RBFOX1: variants seen among roughly 807,000 people sequenced by gnomAD.
RBFOX1 encodes the protein RNA binding fox-1 homolog 1, also known as RNA binding protein fox-1 homolog 1.
Under a neutral mutation model 57.7 loss-of-function variants are expected in RBFOX1, and 8 were observed. The ratio of observed to expected loss-of-function variants is 0.14; its 90% CI spans 0.08 to 0.25. The LOEUF is 0.25. RBFOX1 is among the 10% of genes least tolerant of loss of function. The pLI is 1.00. For synonymous variants in RBFOX1, 326 were observed against 222.4 expected (o/e 1.47, Z -4.15); for missense variants, 611 against 548.5 (o/e 1.11, Z -1.14).
intron 1 of RBFOX1, among the ~76,000 whole-genome samples, chr16:5,428,772 C>G (rs1164229216): frequency 2.0e-5 from 3 of 152,156 alleles, no homozygotes; most frequent in African/African-American, 4.8e-5. Flanking sequence ...TTGAGTATAA[C>G]TTGCTATGTA....
chr16:5,499,202 T>A (rs549853771), intron 2 of RBFOX1, among the ~76,000 whole-genome samples: 23 of 152,368 alleles, frequency 1.5e-4, no homozygotes, highest in African/African-American at 5.3e-4. Context: ...AATCTCTCAG[T>A]GCTTGGGTCC....
At chr16:6,402,247 C>G (rs1461022869) in intron 2 of RBFOX1, among the ~76,000 whole-genome samples, 1 of 152,088 alleles carries the variant, frequency 6.6e-6, no homozygotes, top group East Asian at 1.9e-4. Context: ...ACATTCATCC[C>G]CACCCACTGG....
chr16:6,915,631 A>G (rs1237883239), intron 3 of RBFOX1, among the ~76,000 whole-genome samples: 1 of 146,804 alleles, frequency 6.8e-6, no homozygotes, highest in Non-Finnish European at 1.5e-5. Flanking sequence ...GGTCACTGCA[A>G]CCTCTGCCTC....
At chr16:6,472,987 G>A (rs2095213567) in intron 2 of RBFOX1, among the ~76,000 whole-genome samples, 2 of 152,038 alleles carry the variant, frequency 1.3e-5, no homozygotes, top group South Asian at 4.2e-4. Flanking sequence ...GATCATATAG[G>A]GATATCTCCA....
At chr16:6,449,514 C>T (rs562460792) in intron 2 of RBFOX1, among the ~76,000 whole-genome samples, 6 of 152,196 alleles carry the variant, frequency 3.9e-5, no homozygotes, top group African/African-American at 7.2e-5. Context: ...GTTTTATTTT[C>T]CTAGAAACAG....
At chr16:6,201,240 C>G (rs2097213179) in intron 1 of RBFOX1, among the ~76,000 whole-genome samples, 1 of 152,122 alleles carries the variant, frequency 6.6e-6, no homozygotes. Flanking sequence ...CATTCCTTGG[C>G]TATTGTGAGC....
At chr16:6,851,775 G>T (rs1272668275) in intron 3 of RBFOX1, among the ~76,000 whole-genome samples, 1 of 152,124 alleles carries the variant, frequency 6.6e-6, no homozygotes, top group Non-Finnish European at 1.5e-5. Context: ...GGACTGGCAG[G>T]TGGCACCCGG....
At chr16:6,799,794 G>T (rs2084939185) in intron 3 of RBFOX1, among the ~76,000 whole-genome samples, 1 of 152,016 alleles carries the variant, frequency 6.6e-6, no homozygotes, top group Non-Finnish European at 1.5e-5. Flanking sequence ...TAACACCAGT[G>T]GTTTGCTAGA....
chr16:5,935,608 G>A (rs1444332677), intron 4 of RBFOX1, among the ~76,000 whole-genome samples: 2 of 152,180 alleles, frequency 1.3e-5, no homozygotes, highest in East Asian at 1.9e-4. Context: ...TATTTGAAAT[G>A]CATACTTACA....
At chr16:7,688,848 G>A (rs1237439148) in intron 14 of RBFOX1, among the ~76,000 whole-genome samples, 1 of 152,020 alleles carries the variant, frequency 6.6e-6, no homozygotes, top group Non-Finnish European at 1.5e-5. Flanking sequence ...TTCTCAAAGA[G>A]GAGTTCAAAT....
intron 3 of RBFOX1, among the ~76,000 whole-genome samples, chr16:6,976,319 C>A (rs775976992): frequency 2.6e-5 from 4 of 152,106 alleles, no homozygotes. Context: ...TTAGAGGCCA[C>A]ACTCTAAATT....
chr16:6,766,803 T>C (rs1335720236), intron 3 of RBFOX1, among the ~76,000 whole-genome samples: 1 of 151,984 alleles, frequency 6.6e-6, no homozygotes, highest in East Asian at 1.9e-4. Context: ...GTTAGTGACT[T>C]TGGTGAAGTT....
intron 3 of RBFOX1, among the ~76,000 whole-genome samples, chr16:5,708,016 C>T (rs182661497): frequency 1.3e-5 from 2 of 152,218 alleles, no homozygotes; most frequent in East Asian, 3.9e-4. Context: ...GGGTTCACCA[C>T]ATGGTTAATT....
intron 3 of RBFOX1, among the ~76,000 whole-genome samples, chr16:6,673,248 AAGGTCCCTCATATCC>A (rs1019572784): frequency 6.6e-6 from 1 of 152,032 alleles, no homozygotes; most frequent in African/African-American, 2.4e-5. Flanking sequence ...TCTGATCCCA[AAGGTCCCTCATATCC>A]CTGTACGAAG....
chr16:6,801,609 C>G (rs1192224902), intron 3 of RBFOX1, among the ~76,000 whole-genome samples: 1 of 151,882 alleles, frequency 6.6e-6, no homozygotes, highest in African/African-American at 2.4e-5. Context: ...CCAGGAGACT[C>G]ATGTGTCCAT....
At chr16:7,400,762 A>C (rs1422813378) in intron 4 of RBFOX1, among the ~76,000 whole-genome samples, 3 of 152,202 alleles carry the variant, frequency 2.0e-5, no homozygotes, top group Non-Finnish European at 4.4e-5. Flanking sequence ...CCAGTCAATT[A>C]AAAATGGATT....
At chr16:6,653,133 C>T (rs911187871) in intron 2 of RBFOX1, among the ~76,000 whole-genome samples, 3 of 152,164 alleles carry the variant, frequency 2.0e-5, no homozygotes, top group African/African-American at 7.2e-5. Context: ...CAGTGGGCTA[C>T]TTGGCTCATC....
chr16:7,189,021 T>G (rs9932233), intron 4 of RBFOX1, among the ~76,000 whole-genome samples: 2 of 152,000 alleles, frequency 1.3e-5, no homozygotes, highest in African/African-American at 4.8e-5. Flanking sequence ...GTCAAGACCT[T>G]AAGGCATTTG....
chr16:7,201,892 C>G (rs1009453432), intron 4 of RBFOX1, among the ~76,000 whole-genome samples: 2 of 152,160 alleles, frequency 1.3e-5, no homozygotes, highest in Admixed American at 6.5e-5. Flanking sequence ...GTGGGGTAGA[C>G]TTAGATGGCA....
Sources: gnomAD v4.1 joint callset for allele counts (sites outside exome capture counted in the v4.1 genomes callset) on GRCh38, gnomAD v4.1.1 for gene constraint, MANE v1.5 for transcripts, NCBI Gene and HGNC (gene_info 2026-07-23, HGNC 2026-07-21) for gene names.